Variants in SPAST observed in about 807,000 individuals in gnomAD.
The protein encoded by SPAST is spastin, also known as spastic paraplegia 4 (autosomal dominant; spastin).
SPAST carries 30 observed loss-of-function variants against 76.6 expected under a neutral mutation model. The ratio of observed to expected loss-of-function variants is 0.39; its 90% CI spans 0.29 to 0.53. The LOEUF (loss-of-function observed/expected upper bound fraction) is 0.53, where lower values mean the gene tolerates loss of function less well. Ranked by LOEUF, SPAST falls within the 20% of genes least tolerant of loss-of-function variation. The probability of loss-of-function intolerance (pLI) is 0.68; values close to 1 mark genes in which losing one functional copy is unlikely to be tolerated. For missense variants in SPAST, 717 were observed against 770.5 expected, an observed-to-expected ratio of 0.93 and a Z score of 0.82; for synonymous variants, 305 against 281.0, an observed-to-expected ratio of 1.09 and a Z score of -0.86.
chr2:32,140,448 C>A (rs767457253), intron 12 of SPAST, among the ~76,000 whole-genome samples: 3 of 152,084 alleles, frequency 2.0e-5, no homozygotes, highest in South Asian at 2.1e-4. Flanking sequence ...CATAGTACAA[C>A]CCTGTCTCTG....
At chr2:32,153,855 T>A (rs1396068775) in intron 16 of SPAST, among the ~76,000 whole-genome samples, 1 of 152,092 alleles carries the variant, frequency 6.6e-6, no homozygotes, top group Non-Finnish European at 1.5e-5. Context: ...GGTGGGCGGA[T>A]CACCTGAGGT....
chr2:32,143,467 A>C, intron 14 of SPAST, 52 bp downstream of exon 14: 11 of 1,097,622 alleles, frequency 1.0e-5, no homozygotes, highest in Non-Finnish European at 1.5e-5. Context: ...TTTTTTGTAA[A>C]TAATTCTTTT....
At chr2:32,068,388 C>A (rs1223122405) in intron 1 of SPAST, among the ~76,000 whole-genome samples, 1 of 150,640 alleles carries the variant, frequency 6.6e-6, no homozygotes, top group Non-Finnish European at 1.5e-5. Flanking sequence ...ATGGCGCGAT[C>A]TCAGCTCACT....
chr2:32,133,094 C>G (rs1679425954), intron 9 of SPAST, among the ~76,000 whole-genome samples: 1 of 151,504 alleles, frequency 6.6e-6, no homozygotes, highest in Non-Finnish European at 1.5e-5. Context: ...GATGTTGTGT[C>G]TCATGATCTA....
chr2:32,137,791 T>G (rs533520817), intron 12 of SPAST, among the ~76,000 whole-genome samples: 1 of 152,278 alleles, frequency 6.6e-6, no homozygotes, highest in South Asian at 2.1e-4. Context: ...GTAGGTAGTT[T>G]TTCAACCCAC....
chr2:32,108,350 C>T (rs1678403116), intron 4 of SPAST, among the ~76,000 whole-genome samples: 2 of 152,148 alleles, frequency 1.3e-5, no homozygotes, highest in African/African-American at 2.4e-5. Flanking sequence ...TGATGACTCT[C>T]ACGTAGCAAC....
chr2:32,117,234 A>T (rs1044769670), intron 7 of SPAST, among the ~76,000 whole-genome samples: 2 of 152,162 alleles, frequency 1.3e-5, no homozygotes, highest in Admixed American at 1.3e-4. Context: ...GCCTGGCGAC[A>T]GAGCGAGACT....
intron 1 of SPAST, among the ~76,000 whole-genome samples, chr2:32,076,965 T>G (rs1476316737): frequency 6.6e-6 from 1 of 152,114 alleles, no homozygotes; most frequent in Non-Finnish European, 1.5e-5. Context: ...AACCTCTGTT[T>G]CCCAGGTTCA....
rs1488593034 is a variant in SPAST, at chr2:32,156,712, T to G, written c.*2216T>G. On this transcript the variant is annotated 3_prime_UTR_variant, in exon 17 of 17. Coordinates refer to ENST00000315285, the MANE Select transcript of SPAST (RefSeq NM_014946.4). ...TGGCTAATCATATTAAAGGACTATG[T>G]GGTTCCAGCTCAACTTTTAATATAT... is the stretch of plus-strand genomic sequence containing the variant. 1.3e-5 allele frequency: 2 copies of G among 152,230 alleles called. No homozygotes were observed. The highest frequency in any genetic ancestry group is 2.9e-5 in the Non-Finnish European group (2 of 68,032). The allele number at this position is 152,230 out of a possible 1,614,324, so 9.4% of individuals were successfully genotyped here.
chr2:32,078,266 G>T (rs1272199974), intron 1 of SPAST, among the ~76,000 whole-genome samples: 2 of 152,170 alleles, frequency 1.3e-5, no homozygotes, highest in Admixed American at 1.3e-4. Flanking sequence ...TTGCCTCCCA[G>T]GTTCAAGTGA....
chr2:32,108,367 C>T (rs1180568304), intron 4 of SPAST, among the ~76,000 whole-genome samples: 1 of 152,026 alleles, frequency 6.6e-6, no homozygotes, highest in Non-Finnish European at 1.5e-5. Context: ...CAACTTTCAC[C>T]CGTAGTTTGG....
chr2:32,131,670 TC>T (rs1679372218), intron 9 of SPAST, among the ~76,000 whole-genome samples: 2 of 128,390 alleles, frequency 1.6e-5, no homozygotes, highest in African/African-American at 5.6e-5. Flanking sequence ...GCAACCATTC[TC>T]TTTTTTTTTT....
Position 32,124,183 on chromosome 2 carries a change from A to G in SPAST, c.1099-2765A>G, listed in dbSNP as rs570106486. Among the ~76,000 whole-genome samples the G allele has an allele frequency of 2.6e-4, 39 of 152,352 alleles. No individual in the cohort carries two copies. The South Asian group carries it at 7.9e-3, about 31-fold the overall frequency. Reference sequence around the variant, plus strand: ...TTTTAAAACTCAACAATAAGAAAATATACAACCCAGTTAATAAATGGGCAA... The same window carrying G: ...TTTTAAAACTCAACAATAAGAAAATGTACAACCCAGTTAATAAATGGGCAA... On this transcript the variant is annotated intron_variant, in intron 7 of 16. Coordinates refer to ENST00000315285, the MANE Select transcript of SPAST (RefSeq NM_014946.4).
chr2:32,134,127 C>G (rs1679458148), intron 9 of SPAST, among the ~76,000 whole-genome samples: 1 of 152,110 alleles, frequency 6.6e-6, no homozygotes, highest in African/African-American at 2.4e-5. Context: ...CCTCAGCCTC[C>G]TGGGCTCAAG....
chr2:32,079,240 G>C (rs1033650576), intron 1 of SPAST, among the ~76,000 whole-genome samples: 7 of 152,046 alleles, frequency 4.6e-5, no homozygotes, highest in Non-Finnish European at 5.9e-5. Context: ...TTTTAGGCTG[G>C]GTGCGGTGGC....
At chr2:32,089,048 AT>A (rs989904873) in intron 2 of SPAST, among the ~76,000 whole-genome samples, 19 of 151,310 alleles carry the variant, frequency 1.3e-4, no homozygotes, top group East Asian at 1.9e-4. Context: ...AACTGTAACT[AT>A]TTTTTTTTAT....
intron 1 of SPAST, among the ~76,000 whole-genome samples, chr2:32,066,921 C>G (rs1396328891): frequency 8.1e-6 from 1 of 123,898 alleles, no homozygotes; most frequent in Non-Finnish European, 1.6e-5. Context: ...CTGCAATGAG[C>G]TGAGATCGTG....
At chr2:32,121,535 CTTTTTTTTTTT>C (rs34519148) in intron 7 of SPAST, among the ~76,000 whole-genome samples, 5 of 102,732 alleles carry the variant, frequency 4.9e-5, no homozygotes, top group East Asian at 5.8e-4. Flanking sequence ...ATCTTTCTCA[CTTTTTTTTTTT>C]TTTTTTTTTT....
intron 7 of SPAST, among the ~76,000 whole-genome samples, chr2:32,121,709 A>G (rs542189389): frequency 6.6e-6 from 1 of 151,298 alleles, no homozygotes; most frequent in East Asian, 2.0e-4. Context: ...ATGCCCGGCT[A>G]ATTGTTGTAT....
Sources: gnomAD v4.1 joint callset for allele counts (sites outside exome capture counted in the v4.1 genomes callset) on GRCh38, gnomAD v4.1.1 for gene constraint, MANE v1.5 for transcripts, NCBI Gene and HGNC (gene_info 2026-07-23, HGNC 2026-07-21) for gene names.